Variants in HAUS6 observed in about 807,000 individuals in gnomAD.
HAUS6 encodes HAUS augmin like complex subunit 6.
Under a neutral mutation model 106.8 loss-of-function variants are expected in HAUS6, and 80 were observed. The ratio of observed to expected loss-of-function variants is 0.75; its 90% CI spans 0.63 to 0.90. HAUS6 has a LOEUF of 0.90. Ranked by LOEUF, HAUS6 falls within the 40% of genes least tolerant of loss-of-function variation. The probability of loss-of-function intolerance (pLI) is 0.00; values close to 1 mark genes in which losing one functional copy is unlikely to be tolerated. For missense variants in HAUS6, 1,155 were observed against 1,118.1 expected, an observed-to-expected ratio of 1.03 and a Z score of -0.47; for synonymous variants, 356 against 379.1, an observed-to-expected ratio of 0.94 and a Z score of 0.71.
At chr9:19,079,183 A>G (rs1005831103) in intron 9 of HAUS6, among the ~76,000 whole-genome samples, 1 of 148,738 alleles carries the variant, frequency 6.7e-6, no homozygotes, top group African/African-American at 2.4e-5. Context: ...AAAAAAAAAT[A>G]CACGAAACAA....
intron 10 of HAUS6, 55 bp downstream of exon 10, chr9:19,078,118 CAAA>C (rs375071190): frequency 1.8e-3 from 1,916 of 1,059,256 alleles, no homozygotes; most frequent in Middle Eastern, 2.6e-3. Flanking sequence ...GACACTGTCT[CAAA>C]AAAAAAAAAA....
At chr9:19,077,853 G>A (rs1443680568) in intron 10 of HAUS6, among the ~76,000 whole-genome samples, 2 of 152,090 alleles carry the variant, frequency 1.3e-5, no homozygotes, top group African/African-American at 2.4e-5. Context: ...TTGAGCCCAG[G>A]AGTTTGAGAC....
chr9:19,086,260 G>A (rs1031407777), intron 7 of HAUS6, among the ~76,000 whole-genome samples: 6 of 151,394 alleles, frequency 4.0e-5, no homozygotes, highest in Admixed American at 2.6e-4. Context: ...GCAGTGAGCT[G>A]AGACCACGCC....
At chr9:19,059,588 G>A (rs777907174) in intron 15 of HAUS6, among the ~76,000 whole-genome samples, 8 of 152,182 alleles carry the variant, frequency 5.3e-5, no homozygotes, top group Non-Finnish European at 1.2e-4. Flanking sequence ...CCAAGATGAT[G>A]TGCCTACCTA....
Position 19,102,725 on chromosome 9 carries a change from T to G in HAUS6, c.-74A>C, listed in dbSNP as rs1818019070. ...GGACTCGGAGGGCCCTCAAGATCCC[T>G]CCCTACGGTCAGCCTGAGGTCGCGG... is the stretch of plus-strand genomic sequence containing the variant. On this transcript the variant is annotated 5_prime_UTR_variant, in exon 1 of 17. Coordinates refer to ENST00000380502, the MANE Select transcript of HAUS6 (RefSeq NM_017645.5). 2 of 1,460,648 alleles carry G rather than the reference T, an allele frequency of 1.4e-6. No individual in the cohort carries two copies. The highest frequency in any genetic ancestry group is 1.4e-5 in the African/African-American group (1 of 70,442). The allele number at this position is 1,460,648 out of a possible 1,614,324, so 90.5% of individuals were successfully genotyped here. A position where few individuals can be genotyped will look rare whatever the true frequency, so the allele number is the denominator to read the frequency against.
At chr9:19,067,576 A>G (rs1485516157) in intron 12 of HAUS6, among the ~76,000 whole-genome samples, 1 of 152,232 alleles carries the variant, frequency 6.6e-6, no homozygotes, top group East Asian at 1.9e-4. Flanking sequence ...TATATCTAAT[A>G]GACCTTCTTT....
chr9:19,093,072 T>A (rs1259902244), intron 4 of HAUS6, 99 bp downstream of exon 4: 1 of 867,652 alleles, frequency 1.2e-6, no homozygotes, highest in African/African-American at 1.7e-5. Context: ...TGTTTTAACT[T>A]ACCTTGATTT....
At chr9:19,057,884 T>G in intron 16 of HAUS6, 77 bp downstream of exon 16, 1 of 784,238 alleles carries the variant, frequency 1.3e-6, no homozygotes, top group Non-Finnish European at 2.1e-6. Context: ...CATGCAGCAT[T>G]CTTTGTGTAC....
At chr9:19,081,342 G>A (rs1232876404) in intron 8 of HAUS6, among the ~76,000 whole-genome samples, 1 of 152,078 alleles carries the variant, frequency 6.6e-6, no homozygotes, top group African/African-American at 2.4e-5. Context: ...ACAAATCAAT[G>A]ACCCCTAAAG....
At chr9:19,074,589 T>TAAA (rs1383202204) in intron 11 of HAUS6, among the ~76,000 whole-genome samples, 2 of 151,242 alleles carry the variant, frequency 1.3e-5, no homozygotes, top group Non-Finnish European at 3.0e-5. Context: ...GACTTTTCTA[T>TAAA]GTCTTCTCTT....
chr9:19,074,241 T>C (rs1209739672), intron 11 of HAUS6, among the ~76,000 whole-genome samples: 2 of 151,484 alleles, frequency 1.3e-5, no homozygotes, highest in African/African-American at 4.8e-5. Flanking sequence ...TGAGATTCTG[T>C]CTCAAAAAAA....
At chr9:19,073,180 T>C (rs182248871) in intron 11 of HAUS6, among the ~76,000 whole-genome samples, 1 of 152,274 alleles carries the variant, frequency 6.6e-6, no homozygotes, top group Non-Finnish European at 1.5e-5. Flanking sequence ...ACTACATATG[T>C]ACCTTTTAAA....
In HAUS6 at chr9:19,102,866, T is replaced by C. The variant is rs1312731622; in HGVS notation, c.-215A>G. ...ACGGTATAGTGCGGCCACCACTGCC[T>C]CAGCGAAGCCACCACAAACCGAGAC... is the stretch of plus-strand genomic sequence containing the variant. On this transcript the variant is annotated 5_prime_UTR_variant, in exon 1 of 17. Transcript: ENST00000380502. 1 of 435,728 alleles carries C rather than the reference T, an allele frequency of 2.3e-6. No homozygotes were observed. The highest frequency in any genetic ancestry group is 3.8e-5 in the East Asian group (1 of 26,148). 27.0% of individuals were successfully genotyped at this position (435,728 alleles called of 1,614,324 possible). A position where few individuals can be genotyped will look rare whatever the true frequency, so the allele number is the denominator to read the frequency against.
chr9:19,074,513 C>CA (rs1257105614), intron 11 of HAUS6, among the ~76,000 whole-genome samples: 4 of 152,090 alleles, frequency 2.6e-5, no homozygotes, highest in African/African-American at 9.7e-5. Context: ...CTTAAGCAAT[C>CA]TTCCACCCTA....
chr9:19,064,653 A>G (rs914993816), intron 12 of HAUS6, among the ~76,000 whole-genome samples: 2 of 152,232 alleles, frequency 1.3e-5, no homozygotes, highest in African/African-American at 4.8e-5. Context: ...CTTTCTTCTT[A>G]TAACTAGAAG....
chr9:19,081,951 T>C (rs976308981), intron 8 of HAUS6, among the ~76,000 whole-genome samples: 1 of 152,122 alleles, frequency 6.6e-6, no homozygotes, highest in Non-Finnish European at 1.5e-5. Context: ...TATCTTTGTA[T>C]CTCTCCAGTA....
intron 12 of HAUS6, among the ~76,000 whole-genome samples, chr9:19,065,358 T>G (rs552036434): frequency 1.6e-4 from 25 of 152,270 alleles, no homozygotes; most frequent in African/African-American, 5.8e-4. Flanking sequence ...AAATTTATCC[T>G]AAGGGAAGAA....
At chr9:19,074,545 T>C (rs1836951079) in intron 11 of HAUS6, among the ~76,000 whole-genome samples, 1 of 152,134 alleles carries the variant, frequency 6.6e-6, no homozygotes, top group Non-Finnish European at 1.5e-5. Flanking sequence ...GTGCCAGGAT[T>C]ATAGGTGTGA....
At chr9:19,094,162 C>A (rs924614139) in intron 3 of HAUS6, among the ~76,000 whole-genome samples, 155 bp downstream of exon 3, 6 of 152,138 alleles carry the variant, frequency 3.9e-5, no homozygotes, top group African/African-American at 1.4e-4. Flanking sequence ...AGAATCCCAA[C>A]CAAAAACCAT....
Sources: allele counts gnomAD v4.1 joint callset (sites outside exome capture counted in the v4.1 genomes callset), GRCh38; gene constraint gnomAD v4.1.1; transcripts MANE v1.5; gene names NCBI Gene and HGNC (gene_info 2026-07-23, HGNC 2026-07-21).